The following CACNA1C variants were observed in gnomAD, a reference collection of about 807,000 sequenced individuals.
CACNA1C encodes the protein voltage-dependent L-type calcium channel subunit alpha-1C.
In CACNA1C, 30 loss-of-function variants were observed where a neutral mutation model predicts 229.0. The observed-to-expected ratio is 0.13, with a 90% CI of 0.10 to 0.18. The LOEUF (loss-of-function observed/expected upper bound fraction) is 0.18, where lower values mean the gene tolerates loss of function less well. Among genes scored for constraint, CACNA1C ranks in the 10% least tolerant of loss-of-function variants. The pLI is 1.00. For synonymous variants in CACNA1C, 1,114 were observed against 1,132.5 expected (o/e 0.98, Z 0.33); for missense variants, 1,658 against 2,845.0 (o/e 0.58, Z 9.49).
At chr12:2,463,112 G>A (rs11615338) in intron 5 of CACNA1C, among the ~76,000 whole-genome samples, 12,279 of 151,728 alleles carry the variant, frequency 0.081, 548 homozygotes, top group Middle Eastern at 0.19. Flanking sequence ...GGGTTTCACC[G>A]GTTAGCCAGG....
chr12:2,507,019 A>G (rs181954048), intron 8 of CACNA1C, among the ~76,000 whole-genome samples: 4 of 152,346 alleles, frequency 2.6e-5, no homozygotes, highest in Non-Finnish European at 5.9e-5. Flanking sequence ...GACTCAGCCT[A>G]AAAGCGCTAG....
At chr12:2,307,431 G>A (rs1403653335) in intron 3 of CACNA1C, among the ~76,000 whole-genome samples, 2 of 152,228 alleles carry the variant, frequency 1.3e-5, no homozygotes, top group Non-Finnish European at 2.9e-5. Context: ...GGAAGCAGCT[G>A]AGCCAGGACT....
intron 1 of CACNA1C, chr12:1,991,179 G>C: frequency 2.2e-6 from 1 of 456,132 alleles, no homozygotes; most frequent in South Asian, 1.5e-5. Flanking sequence ...AAAAAGCAAC[G>C]GAAGTGAAAT....
rs554041891 is a variant in CACNA1C, at chr12:2,189,397, G to A, written c.477+68967G>A. ...CTGACTCGGGATAAGAGTGGGATGC[G>A]TACAAGGAGAGAAGGCTGGAGAAAA... On this transcript the variant is annotated intron_variant, in intron 3 of 46. Coordinates refer to ENST00000399655, the MANE Select transcript of CACNA1C (RefSeq NM_000719.7). Among the ~76,000 whole-genome samples the A allele has an allele frequency of 3.2e-4, 48 of 152,292 alleles. 1 individual carries two copies. In the Middle Eastern group the frequency reaches 0.014, roughly 43 times the overall value.
chr12:2,000,906 A>G lies in CACNA1C; in HGVS notation c.139+29705A>G, dbSNP rs1170649437. Among the ~76,000 whole-genome samples the G allele has an allele frequency of 2.6e-5, 4 of 152,110 alleles. No individual in the cohort carries two copies. In the South Asian group the frequency reaches 6.2e-4, roughly 24 times the overall value. Reference sequence around the variant, plus strand: ...GCAAAAATTAGCCAGGAGTGGTGGCAGGCGCCTGTAATCCTGGATACTCTG... The same window carrying G: ...GCAAAAATTAGCCAGGAGTGGTGGCGGGCGCCTGTAATCCTGGATACTCTG... On this transcript the variant is annotated intron_variant, in intron 1 of 46. Transcript: ENST00000682462.
Position 2,053,722 on chromosome 12 carries a change from G to T in CACNA1C, c.49+111G>T. The T allele has an allele frequency of 1.2e-6, 1 of 830,552 alleles. No homozygotes were observed. Among genetic ancestry groups the T allele is most frequent in the African/African-American group, 1.9e-5 (1 of 53,372 alleles). 51.4% of individuals were successfully genotyped at this position (830,552 alleles called of 1,614,324 possible). On this transcript the variant is annotated intron_variant, in intron 1 of 46. Transcript: ENST00000399655. This position sits in a 1 kb window ranked among gnomAD's most constrained non-coding sequence, Gnocchi z 5.8. ...GCCGGTCCCTGCGGAGTGGCCCGGG[G>T]CCGCGTCCGCGAGGGGCGCCTCCGC...
At chr12:2,313,002 A>G (rs1239929869) in intron 3 of CACNA1C, among the ~76,000 whole-genome samples, 2 of 152,072 alleles carry the variant, frequency 1.3e-5, no homozygotes, top group Admixed American at 6.5e-5. Flanking sequence ...GGGTGTGTCT[A>G]TGTCTTCATC....
At chr12:2,498,508 T>C (rs1168525642) in intron 7 of CACNA1C, among the ~76,000 whole-genome samples, 4 of 152,252 alleles carry the variant, frequency 2.6e-5, no homozygotes, top group Admixed American at 1.3e-4. Context: ...GTCCTTATGA[T>C]TCTGTAATTT....
intron 3 of CACNA1C, among the ~76,000 whole-genome samples, chr12:2,309,490 C>CAT (rs1163169155): frequency 6.7e-6 from 1 of 149,936 alleles, no homozygotes; most frequent in South Asian, 2.1e-4. Context: ...CACACACACA[C>CAT]ATACACACAC....
chr12:2,576,292 G>C (rs2058359404), intron 13 of CACNA1C, among the ~76,000 whole-genome samples: 1 of 152,220 alleles, frequency 6.6e-6, no homozygotes, highest in Admixed American at 6.5e-5. Context: ...TGATGCCAAT[G>C]ATGGCGACGC....
In CACNA1C at chr12:2,681,965, G is replaced by A. The variant is rs113722042; in HGVS notation, c.5445-585G>A. On this transcript the variant is annotated intron_variant, in intron 42 of 46. Coordinates refer to ENST00000399655, the MANE Select transcript of CACNA1C (RefSeq NM_000719.7). ...GTCCCAGCAGGGAAAGGCACGTTCC[G>A]ATGTGTGAGGATCTGGAGCTCAGGA... 1,136 of 1,605,130 alleles carry A rather than the reference G, an allele frequency of 7.1e-4. 18 individuals are homozygous for A. The East Asian group carries it at 0.024, about 34-fold the overall frequency.
intron 13 of CACNA1C, among the ~76,000 whole-genome samples, chr12:2,572,517 T>C (rs1224825791): frequency 1.8e-5 from 1 of 55,620 alleles, no homozygotes; most frequent in Non-Finnish European, 3.4e-5. Context: ...CCTTCTCCTC[T>C]TCCTCCTTCT....
rs547967632 is a variant in CACNA1C at position 2,488,779 on chromosome 12, G to A, written c.916+2517G>A. ...CTGGAGTCAGAGTCCCTGCTGGGAA[G>A]AGGGGCCCAGGACACAGCTGCAGAA... is the stretch of plus-strand genomic sequence containing the variant. On this transcript the variant is annotated intron_variant, in intron 6 of 46. Coordinates refer to ENST00000399655, the MANE Select transcript of CACNA1C (RefSeq NM_000719.7). This position sits in a 1 kb window ranked among gnomAD's most constrained non-coding sequence, Gnocchi z 4.0. Among the ~76,000 whole-genome samples the A allele has an allele frequency of 1.1e-3, 167 of 152,322 alleles. 2 individuals are homozygous for A. Among genetic ancestry groups the A allele is most frequent in the Admixed American group, 9.9e-3 (151 of 15,308 alleles).
chr12:2,276,888 G>T (rs921471804), intron 3 of CACNA1C, among the ~76,000 whole-genome samples: 5 of 152,020 alleles, frequency 3.3e-5, no homozygotes, highest in Non-Finnish European at 7.4e-5. Flanking sequence ...ACTGGGGCAG[G>T]GACCAGGGAG....
chr12:2,288,480 C>T (rs927211681), intron 3 of CACNA1C, among the ~76,000 whole-genome samples: 4 of 152,186 alleles, frequency 2.6e-5, no homozygotes, highest in Admixed American at 2.6e-4. Flanking sequence ...GTGTTTGCAA[C>T]CCCATTTTCC....
At chr12:2,402,252 T>C (rs988703376) in intron 3 of CACNA1C, among the ~76,000 whole-genome samples, 3 of 152,268 alleles carry the variant, frequency 2.0e-5, no homozygotes, top group African/African-American at 4.8e-5. Flanking sequence ...GCCTTTAATA[T>C]TATGCTTCTC....
intron 5 of CACNA1C, 120 bp from the exon 6 acceptor site, chr12:2,485,984 C>G (rs2099695894): frequency 1.3e-6 from 1 of 743,942 alleles, no homozygotes; most frequent in Non-Finnish European, 2.1e-6. Context: ...CCTCAGTCTT[C>G]TCATCTAAAC....
At chr12:2,607,425 A>C in intron 26 of CACNA1C, 16 of 287,808 alleles carry the variant, frequency 5.6e-5, no homozygotes, top group East Asian at 1.4e-4. Context: ...CATTACCCTT[A>C]TGGCATCTGG....
intron 39 of CACNA1C, chr12:2,675,924 A>G (rs2096787307): frequency 6.6e-6 from 1 of 152,224 alleles, no homozygotes; most frequent in African/African-American, 2.4e-5. Context: ...TTAAGAGGCG[A>G]CACCACTTGT....
Sources: allele counts gnomAD v4.1 joint callset (sites outside exome capture counted in the v4.1 genomes callset), GRCh38; gene constraint gnomAD v4.1.1; non-coding constraint Gnocchi (gnomAD v3.1); transcripts MANE v1.5; gene names NCBI Gene and HGNC (gene_info 2026-07-23, HGNC 2026-07-21).